Variants in SYNCRIP observed in about 807,000 individuals in gnomAD.
The protein encoded by SYNCRIP is synaptotagmin binding cytoplasmic RNA interacting protein.
In SYNCRIP, 9 loss-of-function variants were observed where a neutral mutation model predicts 68.9. That is an observed-to-expected ratio of 0.13 (90% confidence interval 0.08 to 0.23). The LOEUF (loss-of-function observed/expected upper bound fraction) is 0.23. Ranked by LOEUF, SYNCRIP falls within the 10% of genes least tolerant of loss-of-function variation. The pLI is 1.00. For synonymous variants in SYNCRIP, 258 were observed against 254.0 expected, an observed-to-expected ratio of 1.02 and a Z score of -0.15; for missense variants, 414 against 770.6, an observed-to-expected ratio of 0.54 and a Z score of 5.48.
chr6:85,633,220 C>A (rs1319916399), intron 6 of SYNCRIP, among the ~76,000 whole-genome samples: 2 of 151,766 alleles, frequency 1.3e-5, no homozygotes, highest in Non-Finnish European at 2.9e-5. Flanking sequence ...TGCACCACTG[C>A]ACTCCAGCCT....
intron 1 of SYNCRIP, 108 bp from the exon 2 acceptor site, chr6:85,641,559 T>C: frequency 9.1e-7 from 1 of 1,102,036 alleles, no homozygotes; most frequent in Non-Finnish European, 1.3e-6. Context: ...CCAGCTAGCC[T>C]ATACCTCCCT....
intron 6 of SYNCRIP, among the ~76,000 whole-genome samples, chr6:85,627,867 T>A (rs1304595087): frequency 1.3e-5 from 2 of 152,270 alleles, no homozygotes; most frequent in Middle Eastern, 3.4e-3. Context: ...ACCAAAACAG[T>A]AGTACAGTCT....
At chr6:85,630,429 A>G (rs1047184295) in intron 6 of SYNCRIP, among the ~76,000 whole-genome samples, 9 of 152,256 alleles carry the variant, frequency 5.9e-5, no homozygotes, top group Non-Finnish European at 8.8e-5. Flanking sequence ...ATGCTTGTAC[A>G]TAGACATTAT....
At chr6:85,625,430 G>A (rs1248562382) in intron 6 of SYNCRIP, among the ~76,000 whole-genome samples, 1 of 151,368 alleles carries the variant, frequency 6.6e-6, no homozygotes, top group Non-Finnish European at 1.5e-5. Context: ...TGTCCCCCAG[G>A]CAGGAGTGCA....
chr6:85,619,075 T>TA, intron 9 of SYNCRIP, 136 bp from the exon 10 acceptor site: 4 of 1,175,724 alleles, frequency 3.4e-6, no homozygotes, highest in East Asian at 2.4e-5. Flanking sequence ...TAATTTTATT[T>TA]AAAGATGCAG....
downstream of SYNCRIP, chr6:85,613,910 G>C (rs1805483232): frequency 2.1e-6 from 2 of 942,676 alleles, no homozygotes; most frequent in African/African-American, 1.8e-5. Context: ...GAGACTACCT[G>C]AATTTGTCCT....
intron 10 of SYNCRIP, among the ~76,000 whole-genome samples, chr6:85,615,901 T>G (rs1022694853): frequency 1.3e-5 from 2 of 152,220 alleles, no homozygotes; most frequent in Non-Finnish European, 2.9e-5. Context: ...AAATGGCAAG[T>G]AGGACAAGCA....
intron 8 of SYNCRIP, among the ~76,000 whole-genome samples, chr6:85,619,755 G>A (rs1398955720): frequency 6.6e-6 from 1 of 152,126 alleles, no homozygotes; most frequent in Non-Finnish European, 1.5e-5. Flanking sequence ...AGAATGCAGA[G>A]CAATAGAAAC....
downstream of SYNCRIP, chr6:85,612,664 T>C (rs1805336949): frequency 2.5e-6 from 1 of 397,542 alleles, no homozygotes; most frequent in African/African-American, 2.1e-5. Context: ...AGAGTAGCTT[T>C]AGTTTAATAA....
At chr6:85,641,266 G>A (rs750725288) in intron 2 of SYNCRIP, 26 bp downstream of exon 2, 13 of 1,582,700 alleles carry the variant, frequency 8.2e-6, no homozygotes, top group Middle Eastern at 2.3e-4. Flanking sequence ...ATTTCATAAT[G>A]TAATTTTGCA....
rs763054802 is a variant in SYNCRIP, at chr6:85,641,294, G to C, written c.146C>G (p.Ala49Gly). ...VAEKLDEIYVAGLVAHSDLDE... is the reference protein window; with the variant it reads ...VAEKLDEIYVGGLVAHSDLDE... ...ATTTTGCAAGTGTTAGTTCTTACCT[G>C]CAACGTAAATTTCATCTAGTTTTTC... The change falls in exon 2 of 11, where the codon GCA (alanine) becomes GGA (glycine). Residue 49 changes from alanine to glycine, a missense_variant and splice_region_variant. Coordinates refer to ENST00000369622, the MANE Select transcript of SYNCRIP (RefSeq NM_006372.5). 6.8e-6 allele frequency: 11 copies of C among 1,609,676 alleles called. No individual in the cohort carries two copies. Among genetic ancestry groups the C allele is most frequent in the Non-Finnish European group, 9.3e-6 (11 of 1,179,584 alleles).
chr6:85,639,420 C>A (rs1808867455), intron 4 of SYNCRIP, among the ~76,000 whole-genome samples: 1 of 152,220 alleles, frequency 6.6e-6, no homozygotes, highest in African/African-American at 2.4e-5. Context: ...ACAGCTAGAT[C>A]TGTGAAAGCC....
intron 6 of SYNCRIP, among the ~76,000 whole-genome samples, chr6:85,626,711 A>G (rs1351105138): frequency 1.3e-5 from 2 of 152,250 alleles, no homozygotes; most frequent in Admixed American, 6.5e-5. Flanking sequence ...AATCTGTAAC[A>G]TAGGCAACAC....
At chr6:85,621,292 TGTAA>T (rs1806358227) in intron 8 of SYNCRIP, among the ~76,000 whole-genome samples, 1 of 152,196 alleles carries the variant, frequency 6.6e-6, no homozygotes, top group Admixed American at 6.5e-5. Context: ...ACACCTAACC[TGTAA>T]GTAACAAAGA....
chr6:85,636,172 TG>T (rs1808425450), intron 6 of SYNCRIP, among the ~76,000 whole-genome samples: 1 of 152,138 alleles, frequency 6.6e-6, no homozygotes, highest in African/African-American at 2.4e-5. Context: ...TAGCCAGGCG[TG>T]GTGGCTCACG....
In SYNCRIP at chr6:85,619,273, C is replaced by G. The variant is rs368626382; in HGVS notation, c.1153G>C (p.Val385Leu). The G allele has an allele frequency of 1.9e-6, 3 of 1,613,784 alleles. No homozygotes were observed. The highest frequency in any genetic ancestry group is 2.5e-6 in the Non-Finnish European group (3 of 1,179,944). ...FIHFDERDGAVKAMEEMNGKD... is the reference protein window; with the variant it reads ...FIHFDERDGALKAMEEMNGKD... ...TGTAATTCCACCATATTTACCTTGA[C>G]AGCACCATCTCGCTCATCAAAATGA... The change falls in exon 9 of 11, where the codon GTC becomes CTC. Residue 385 changes from valine to leucine, a missense_variant. Physicochemically the swap from Val to Leu is conservative, Grantham distance 32 (BLOSUM62 1). Transcript: ENST00000369622.
At chr6:85,613,910 G>A, downstream of SYNCRIP, 10 of 942,794 alleles carry the variant, frequency 1.1e-5, no homozygotes, top group Non-Finnish European at 1.3e-5. Flanking sequence ...GAGACTACCT[G>A]AATTTGTCCT....
At chr6:85,624,156 A>G in intron 6 of SYNCRIP, 44 bp from the exon 7 acceptor site, 1 of 1,557,556 alleles carries the variant, frequency 6.4e-7, no homozygotes, top group African/African-American at 1.4e-5. Flanking sequence ...TTACTTATAC[A>G]ACTAGAACAG....
downstream of SYNCRIP, chr6:85,612,771 CT>C: frequency 8.8e-7 from 1 of 1,138,302 alleles, no homozygotes; most frequent in Non-Finnish European, 1.2e-6. Flanking sequence ...ATAGGAAGGT[CT>C]TCTGCAATAG....
Sources: gnomAD v4.1 joint callset for allele counts (sites outside exome capture counted in the v4.1 genomes callset) on GRCh38, gnomAD v4.1.1 for gene constraint, MANE v1.5 for transcripts, NCBI Gene and HGNC (gene_info 2026-07-23, HGNC 2026-07-21) for gene names.